SAPCD1: variants seen among roughly 807,000 people sequenced by gnomAD.
SAPCD1 encodes suppressor APC domain-containing protein 1.
SAPCD1 carries 16 observed loss-of-function variants against 20.7 expected under a neutral mutation model. The observed-to-expected ratio is 0.77, with a 90% CI of 0.52 to 1.17. The LOEUF is 1.17. SAPCD1 is among the 50% of genes most tolerant of loss of function. The probability of loss-of-function intolerance (pLI) is 0.00; values close to 1 mark genes in which losing one functional copy is unlikely to be tolerated. For synonymous variants in SAPCD1, 77 were observed against 84.8 expected, an observed-to-expected ratio of 0.91 and a Z score of 0.50; for missense variants, 173 against 209.9, an observed-to-expected ratio of 0.82 and a Z score of 1.09.
upstream of SAPCD1, chr6:31,762,951 T>C: frequency 3.2e-6 from 2 of 629,684 alleles, no homozygotes; most frequent in Non-Finnish European, 5.6e-6. Context: ...GGAAGGGGCC[T>C]GAGAGGCTGA....
rs1256946573 is a variant in SAPCD1 at position 31,764,545 on chromosome 6, T to C, written c.*14T>C. On this transcript the variant is annotated 3_prime_UTR_variant, in exon 5 of 5. Coordinates refer to ENST00000415669, the Ensembl canonical transcript of SAPCD1. The surrounding 1 kb of genome is among the most constrained non-coding windows in gnomAD (Gnocchi z 4.7). ...ACCCGTGTCTAAACCCTCCTCTCAC[T>C]CCCCTAAGCCTGGTGAAAGAGTCAG... is the stretch of plus-strand genomic sequence containing the variant. 1.3e-6 allele frequency: 2 copies of C among 1,590,264 alleles called. No homozygotes were observed. The highest frequency in any genetic ancestry group is 1.7e-6 in the Non-Finnish European group (2 of 1,160,732).
Position 31,764,516 on chromosome 6 carries a change from C to G in SAPCD1, c.522C>G (p.Gly174=), listed in dbSNP as rs752680166. ...GGGGCTGCACCAAGGGGCCAAGAGG[C>G]CCTACCCGTGTCTAAACCCTCCTCT... Residue 174 remains glycine, a synonymous_variant, in exon 5 of 5, where the codon GGC becomes GGG. Coordinates refer to ENST00000415669, the Ensembl canonical transcript of SAPCD1. This position sits in a 1 kb window ranked among gnomAD's most constrained non-coding sequence, Gnocchi z 4.7. The G allele has an allele frequency of 3.1e-6, 5 of 1,612,860 alleles. No individual in the cohort carries two copies. In the East Asian group the frequency reaches 1.1e-4, roughly 36 times the overall value.
chr6:31,763,102 C>T lies in SAPCD1; in HGVS notation c.48C>T (p.Tyr16=), dbSNP rs758537574. The T allele has an allele frequency of 4.5e-6, 7 of 1,570,554 alleles. No homozygotes were observed. The African/African-American group carries it at 6.8e-5, about 15-fold the overall frequency. Reference sequence around the variant, plus strand: ...GGGTGCCCTTGGTGCAGGCTCCCTACACAGTCCTGCTGCTGCCGCTGGGGA... The same window carrying T: ...GGGTGCCCTTGGTGCAGGCTCCCTATACAGTCCTGCTGCTGCCGCTGGGGA... The change falls in exon 1 of 5, where the codon TAC becomes TAT. Residue 16 remains tyrosine (Y), a synonymous_variant. Transcript: ENST00000415669. The surrounding 1 kb of genome is among the most constrained non-coding windows in gnomAD (Gnocchi z 4.9).
In SAPCD1 at chr6:31,763,463, G is replaced by A. The variant is rs1811214258; in HGVS notation, c.163G>A (p.Gly55Ser). Residue 55 changes from glycine to serine, a missense_variant, in exon 2 of 5, where the codon GGT (glycine) becomes AGT (serine). Physicochemically the swap from Gly to Ser is moderately conservative, Grantham distance 56. Transcript: ENST00000415669. This position sits in a 1 kb window ranked among gnomAD's most constrained non-coding sequence, Gnocchi z 4.9. ...GAGAGAACAGGATGCCCTGTGGCAG[G>A]GTCTGGAGCTGCTACAGCATGGCCA... 2 of 1,612,870 alleles carry A rather than the reference G, an allele frequency of 1.2e-6. No individual in the cohort carries two copies. Among genetic ancestry groups the A allele is most frequent in the African/African-American group, 1.3e-5 (1 of 74,940 alleles).
In SAPCD1 at chr6:31,764,098, G is replaced by GC. The variant is rs1562256756; in HGVS notation, c.296dup (p.Leu100ValfsTer17). On this transcript the variant is annotated frameshift_variant, in exon 3 of 5. Transcript: ENST00000415669. LOFTEE classifies it high-confidence loss of function. This position sits in a 1 kb window ranked among gnomAD's most constrained non-coding sequence, Gnocchi z 4.7. The stretch of plus-strand genomic sequence containing the variant: ...ACAGATTTACACTCAGAGCCTGGTC[G>GC]CCCCCCGTTAGCCCAGATTCAAAAG... 6.2e-7 allele frequency: 1 copy of GC among 1,613,296 alleles called. No individual in the cohort carries two copies. Among genetic ancestry groups the GC allele is most frequent in the South Asian group, 1.1e-5 (1 of 91,066 alleles).
At position 31,763,156 on chromosome 6, in the gene SAPCD1, C is replaced by T. The variant is rs773736926; in HGVS notation, c.102C>T (p.Ser34=). 6.4e-6 allele frequency: 10 copies of T among 1,562,354 alleles called. No individual in the cohort carries two copies. The highest frequency in any genetic ancestry group is 1.4e-5 in the African/African-American group (1 of 72,394). ...GCCGCCAAGACCCAGGGGCCCAGAG[C>T]TTCTTCCTTTGGGTGAGTATCAGCC... is the stretch of plus-strand genomic sequence containing the variant. The change falls in exon 1 of 5, where the codon AGC becomes AGT. Residue 34 remains serine, a synonymous_variant. Coordinates refer to ENST00000415669, the Ensembl canonical transcript of SAPCD1. This position sits in a 1 kb window ranked among gnomAD's most constrained non-coding sequence, Gnocchi z 4.9.
rs978041440 is a variant in SAPCD1 at position 31,763,556 on chromosome 6, G to T, written c.255+1G>T. The T allele has an allele frequency of 6.2e-7, 1 of 1,607,702 alleles. No individual in the cohort carries two copies. The highest frequency in any genetic ancestry group is 1.7e-5 in the Admixed American group (1 of 59,470). On this transcript the variant is annotated splice_donor_variant, in intron 2 of 4. Transcript: ENST00000415669. LOFTEE classifies it high-confidence loss of function. The surrounding 1 kb of genome is among the most constrained non-coding windows in gnomAD (Gnocchi z 4.9). The stretch of plus-strand genomic sequence containing the variant: ...GCTGCATCTAGGGGCCCTTGGTGAG[G>T]TATGGGGGCTGCCCCTCTGTGTGAA...
chr6:31,762,822 A>T, upstream of SAPCD1: 1 of 545,284 alleles, frequency 1.8e-6, no homozygotes, highest in Non-Finnish European at 3.2e-6. Context: ...AGGATACTTC[A>T]TGAGAACGAA....
At position 31,763,623 on chromosome 6, in the gene SAPCD1, C is replaced by CCT; in HGVS notation, c.255+68_255+69insCT. 1 of 1,477,252 alleles carries CCT rather than the reference C, an allele frequency of 6.8e-7. No homozygotes were observed. Among genetic ancestry groups the CCT allele is most frequent in the Non-Finnish European group, 9.2e-7 (1 of 1,087,046 alleles). The allele number at this position is 1,477,252 out of a possible 1,614,324, so 91.5% of individuals were successfully genotyped here. A position where few individuals can be genotyped will look rare whatever the true frequency, so the allele number is the denominator to read the frequency against. On this transcript the variant is annotated intron_variant, in intron 2 of 4. Coordinates refer to ENST00000415669, the Ensembl canonical transcript of SAPCD1. The surrounding 1 kb of genome is among the most constrained non-coding windows in gnomAD (Gnocchi z 4.9). Reference sequence around the variant, plus strand: ...GAGGGAGGAACAGGGAATGTGTAGACACAGCCTGAGACCACTCTGGAGAGG... The same window carrying CCT: ...GAGGGAGGAACAGGGAATGTGTAGACCTACAGCCTGAGACCACTCTGGAGAGG...
chr6:31,763,418 CGCAGGAT>C lies in SAPCD1; in HGVS notation c.124_130del (p.Met42LeufsTer27). Reference sequence around the variant, plus strand: ...CCTCTGTGATTGCCTTTCCCAGCTACGCAGGATGCAGGCTCTGGAGAGAGAACAGGAT... The same window carrying C: ...CCTCTGTGATTGCCTTTCCCAGCTACGCAGGCTCTGGAGAGAGAACAGGAT... On this transcript the variant is annotated frameshift_variant, in exon 2 of 5. Transcript: ENST00000415669. LOFTEE classifies it high-confidence loss of function. The surrounding 1 kb of genome is among the most constrained non-coding windows in gnomAD (Gnocchi z 4.9). 6.2e-7 allele frequency: 1 copy of C among 1,613,046 alleles called. No homozygotes were observed. The highest frequency in any genetic ancestry group is 8.5e-7 in the Non-Finnish European group (1 of 1,180,022).
In SAPCD1 at chr6:31,763,121, C is replaced by T. The variant is rs1215151653; in HGVS notation, c.67C>T (p.Leu23=). Residue 23 remains leucine (L), a synonymous_variant, in exon 1 of 5, where the codon CTG becomes TTG. Transcript: ENST00000415669. This position sits in a 1 kb window ranked among gnomAD's most constrained non-coding sequence, Gnocchi z 4.9. ...TCCCTACACAGTCCTGCTGCTGCCG[C>T]TGGGGACAAGCCGCCAAGACCCAGG... 2 of 1,564,638 alleles carry T rather than the reference C, an allele frequency of 1.3e-6. No homozygotes were observed. Among genetic ancestry groups the T allele is most frequent in the African/African-American group, 1.4e-5 (1 of 72,472 alleles).
chr6:31,764,645 C>G lies in SAPCD1; in HGVS notation c.*114C>G. 1.4e-6 allele frequency: 1 copy of G among 691,072 alleles called. No homozygotes were observed. The highest frequency in any genetic ancestry group is 2.9e-5 in the Admixed American group (1 of 34,240). The allele number at this position is 691,072 out of a possible 1,614,324, so 42.8% of individuals were successfully genotyped here. A position where few individuals can be genotyped will look rare whatever the true frequency, so the allele number is the denominator to read the frequency against. Reference sequence around the variant, plus strand: ...CTCCAGGTAGTGAGTCAATGAAGTTCAGACATGTTGGTGTAAAGTTTCTCC... The same window carrying G: ...CTCCAGGTAGTGAGTCAATGAAGTTGAGACATGTTGGTGTAAAGTTTCTCC... On this transcript the variant is annotated 3_prime_UTR_variant, in exon 5 of 5. Coordinates refer to ENST00000415669, the Ensembl canonical transcript of SAPCD1. The surrounding 1 kb of genome is among the most constrained non-coding windows in gnomAD (Gnocchi z 4.7).
chr6:31,764,628 A>G lies in SAPCD1; in HGVS notation c.*97A>G, dbSNP rs1581577824. 1 of 800,722 alleles carries G rather than the reference A, an allele frequency of 1.2e-6. No homozygotes were observed. Among genetic ancestry groups the G allele is most frequent in the East Asian group, 2.6e-5 (1 of 37,844 alleles). The allele number at this position is 800,722 out of a possible 1,614,324, so 49.6% of individuals were successfully genotyped here. On this transcript the variant is annotated 3_prime_UTR_variant, in exon 5 of 5. Transcript: ENST00000415669. This position sits in a 1 kb window ranked among gnomAD's most constrained non-coding sequence, Gnocchi z 4.7. ...CAACAGCTAAAAAATGGCTCCAGGT[A>G]GTGAGTCAATGAAGTTCAGACATGT... is the stretch of plus-strand genomic sequence containing the variant.
Position 31,763,086 on chromosome 6 carries a change from T to C in SAPCD1, c.32T>C (p.Leu11Ser). The stretch of plus-strand genomic sequence containing the variant: ...AGCCAGGGCTCTGGCGGGGTGCCCT[T>C]GGTGCAGGCTCCCTACACAGTCCTG... The change falls in exon 1 of 5, where the codon TTG becomes TCG. Residue 11 changes from leucine to serine, a missense_variant. Physicochemically the swap from Leu to Ser is moderately radical, Grantham distance 145. Transcript: ENST00000415669. The surrounding 1 kb of genome is among the most constrained non-coding windows in gnomAD (Gnocchi z 4.9). 1 of 1,572,450 alleles carries C rather than the reference T, an allele frequency of 6.4e-7. No individual in the cohort carries two copies. The highest frequency in any genetic ancestry group is 8.6e-7 in the Non-Finnish European group (1 of 1,158,798).
In SAPCD1 at chr6:31,764,305, A is replaced by G. The variant is rs748018541; in HGVS notation, c.391A>G (p.Thr131Ala). 1.9e-6 allele frequency: 3 copies of G among 1,614,166 alleles called. No individual in the cohort carries two copies. In the South Asian group the frequency reaches 3.3e-5, roughly 18 times the overall value. ...ACTGAACAAGGCTAGTTCCTGCACC[A>G]CCCAGGATTCAAAGGAAAGACGAAG... The change falls in exon 4 of 5, where the codon ACC (threonine) becomes GCC (alanine). Residue 131 changes from threonine (T) to alanine (A), a missense_variant. Physicochemically the swap from Thr to Ala is moderately conservative, Grantham distance 58 (BLOSUM62 0). Transcript: ENST00000415669. This position sits in a 1 kb window ranked among gnomAD's most constrained non-coding sequence, Gnocchi z 4.7.
Position 31,763,181 on chromosome 6 carries a change from CCAA to C in SAPCD1, c.114+17_114+19del, listed in dbSNP as rs1811189426. Reference sequence around the variant, plus strand: ...CTTCTTCCTTTGGGTGAGTATCAGCCCAACAAGAGGTCCCAGGGGAACTCTCTC... The same window carrying C: ...CTTCTTCCTTTGGGTGAGTATCAGCCCAAGAGGTCCCAGGGGAACTCTCTC... On this transcript the variant is annotated intron_variant, in intron 1 of 4. Transcript: ENST00000415669. The surrounding 1 kb of genome is among the most constrained non-coding windows in gnomAD (Gnocchi z 4.9). 6.8e-7 allele frequency: 1 copy of C among 1,465,866 alleles called. No individual in the cohort carries two copies. The highest frequency in any genetic ancestry group is 9.3e-7 in the Non-Finnish European group (1 of 1,073,046). The allele number at this position is 1,465,866 out of a possible 1,614,324, so 90.8% of individuals were successfully genotyped here.
chr6:31,764,051 A>G lies in SAPCD1; in HGVS notation c.256-13A>G, dbSNP rs186392075. 4 of 1,588,806 alleles carry G rather than the reference A, an allele frequency of 2.5e-6. No individual in the cohort carries two copies. The highest frequency in any genetic ancestry group is 1.7e-4 in the Middle Eastern group (1 of 6,000). On this transcript the variant is annotated splice_polypyrimidine_tract_variant and intron_variant, in intron 2 of 4. Transcript: ENST00000415669. This position sits in a 1 kb window ranked among gnomAD's most constrained non-coding sequence, Gnocchi z 4.7. ...GTTTTCACCATGTTGTCAGCCTCCA[A>G]CTCCTCCTCTAGAATTTTCTAACAG... is the stretch of plus-strand genomic sequence containing the variant.
In SAPCD1 at chr6:31,764,600, A is replaced by G. The variant is rs1445246753; in HGVS notation, c.*69A>G. On this transcript the variant is annotated 3_prime_UTR_variant, in exon 5 of 5. Transcript: ENST00000415669. The surrounding 1 kb of genome is among the most constrained non-coding windows in gnomAD (Gnocchi z 4.7). ...CCCAGGCTCCTTTTTCTGTTTCTTA[A>G]CTCAACAGCTAAAAAATGGCTCCAG... 8.8e-7 allele frequency: 1 copy of G among 1,133,634 alleles called. No homozygotes were observed. The highest frequency in any genetic ancestry group is 1.6e-5 in the African/African-American group (1 of 63,742). The allele number at this position is 1,133,634 out of a possible 1,614,324, so 70.2% of individuals were successfully genotyped here. A position where few individuals can be genotyped will look rare whatever the true frequency, so the allele number is the denominator to read the frequency against.
rs1393716854 is a variant in SAPCD1, at chr6:31,763,834, CA to C, written c.256-229del. On this transcript the variant is annotated intron_variant, in intron 2 of 4. Transcript: ENST00000415669. This position sits in a 1 kb window ranked among gnomAD's most constrained non-coding sequence, Gnocchi z 4.9. ...ATTATTCCAATGGGGCAGGGATGGA[CA>C]GGGAGGCTCCATGAAGAGTAGTGAA... 1.7e-6 allele frequency: 1 copy of C among 603,632 alleles called. No individual in the cohort carries two copies. The highest frequency in any genetic ancestry group is 2.9e-6 in the Non-Finnish European group (1 of 340,422). The allele number at this position is 603,632 out of a possible 1,614,324, so 37.4% of individuals were successfully genotyped here.
Sources: allele counts gnomAD v4.1 joint callset, GRCh38; gene constraint gnomAD v4.1.1; non-coding constraint Gnocchi (gnomAD v3.1); transcripts MANE v1.5; gene names NCBI Gene and HGNC (gene_info 2026-07-23, HGNC 2026-07-21).